MVD: variants seen among roughly 807,000 people sequenced by gnomAD.
MVD encodes mevalonate diphosphate decarboxylase, also known as diphosphomevalonate decarboxylase.
Under a neutral mutation model 42.4 loss-of-function variants are expected in MVD, and 52 were observed. That is an observed-to-expected ratio of 1.23 (90% CI 0.98 to 1.55). MVD has a LOEUF of 1.55. Among genes scored for constraint, MVD ranks in the 40% most tolerant of loss-of-function variants. The pLI is 0.00. For synonymous variants in MVD, 287 were observed against 243.2 expected (o/e 1.18, Z -1.68); for missense variants, 663 against 572.1 (o/e 1.16, Z -1.62).
chr16:88,662,575 C>T, intron 1 of MVD: 1 of 834,376 alleles, frequency 1.2e-6, no homozygotes, highest in Admixed American at 5.2e-5. Context: ...GGGAGGGACA[C>T]AGGGTCTCGG....
At chr16:88,660,086 C>T (rs1394532647) in intron 1 of MVD, among the ~76,000 whole-genome samples, 2 of 152,116 alleles carry the variant, frequency 1.3e-5, no homozygotes, top group Admixed American at 1.3e-4. Flanking sequence ...CTTTCACCTC[C>T]CCAGGAGTCA....
rs1009003083 is a variant in MVD at position 88,652,168 on chromosome 16, G to A, written c.*357C>T. The A allele has an allele frequency of 2.5e-6, 1 of 393,988 alleles. No homozygotes were observed. The highest frequency in any genetic ancestry group is 4.1e-5 in the Admixed American group (1 of 24,422). The allele number at this position is 393,988 out of a possible 1,614,324, so 24.4% of individuals were successfully genotyped here. ...CGGTGACCCCTTCCCTGGTCCGCTG[G>A]AGGGACCACCTCCCCACTGAGCTCC... On this transcript the variant is annotated 3_prime_UTR_variant, in exon 10 of 10. Transcript: ENST00000301012.
At chr16:88,658,859 T>G in intron 1 of MVD, 139 bp from the exon 2 acceptor site, 4 of 635,238 alleles carry the variant, frequency 6.3e-6, no homozygotes, top group Non-Finnish European at 1.1e-5. Context: ...TGTGTGCCCC[T>G]CCTCCTGCCA....
chr16:88,652,690 G>A, intron 9 of MVD, 85 bp from the exon 10 acceptor site: 1 of 1,299,442 alleles, frequency 7.7e-7, no homozygotes, highest in Non-Finnish European at 1.1e-6. Context: ...ACACAGGAGG[G>A]TAGCGGTGTG....
chr16:88,657,829 G>C, intron 3 of MVD, 86 bp downstream of exon 3: 2 of 1,414,068 alleles, frequency 1.4e-6, no homozygotes, highest in Non-Finnish European at 2.0e-6. Context: ...GCTGCCTCAG[G>C]AGGGGCACAG....
chr16:88,658,138 A>T, intron 2 of MVD, 109 bp from the exon 3 acceptor site: 1 of 1,092,256 alleles, frequency 9.2e-7, no homozygotes, highest in Non-Finnish European at 1.4e-6. Flanking sequence ...GAGCAAGGTC[A>T]GCCCTGCTGA....
intron 3 of MVD, 106 bp downstream of exon 3, chr16:88,657,809 C>T (rs1908031631): frequency 1.5e-6 from 2 of 1,331,644 alleles, no homozygotes; most frequent in Non-Finnish European, 2.1e-6. Flanking sequence ...GGTTCCCAGC[C>T]ACCCCGCCTG....
chr16:88,656,532 G>T (rs1907941468), intron 4 of MVD: 2 of 594,696 alleles, frequency 3.4e-6, no homozygotes, highest in Non-Finnish European at 6.0e-6. Context: ...TGCAGAGCTT[G>T]CGGCCCGCGA....
At chr16:88,656,028 G>A (rs545987213) in intron 5 of MVD, 77 bp downstream of exon 5, 47 of 1,512,088 alleles carry the variant, frequency 3.1e-5, no homozygotes, top group South Asian at 7.5e-5. Context: ...GGACGCCTTC[G>A]CTCCTGCTCC....
At chr16:88,658,826 G>C in intron 1 of MVD, 106 bp from the exon 2 acceptor site, 3 of 859,266 alleles carry the variant, frequency 3.5e-6, no homozygotes, top group Non-Finnish European at 5.3e-6. Flanking sequence ...ATCCGCCTCA[G>C]TCCCGTCTCT....
chr16:88,654,136 C>T (rs1364501461), intron 8 of MVD, among the ~76,000 whole-genome samples: 2 of 150,978 alleles, frequency 1.3e-5, no homozygotes, highest in South Asian at 2.1e-4. Flanking sequence ...CACAGAGCAG[C>T]GCAGGGGAAG....
In MVD at chr16:88,656,178, T is replaced by A; in HGVS notation, c.530A>T (p.Asp177Val). 1 of 1,601,832 alleles carries A rather than the reference T, an allele frequency of 6.2e-7. No homozygotes were observed. The highest frequency in any genetic ancestry group is 8.5e-7 in the Non-Finnish European group (1 of 1,179,916). Residue 177 changes from aspartate to valine, a missense_variant, in exon 5 of 10, where the codon GAC becomes GTC. Coordinates refer to ENST00000301012, the MANE Select transcript of MVD (RefSeq NM_002461.3). ...FVEWQMGEQADGKDSIARQVA... is the reference protein window; with the variant it reads ...FVEWQMGEQAVGKDSIARQVA... ...TTGCCGAGCGATGCTGTCCTTCCCG[T>A]CGGCCTGCTCTCCCATCTGCCACTC...
At chr16:88,660,428 T>A (rs1908221200) in intron 1 of MVD, 1 of 151,318 alleles carries the variant, frequency 6.6e-6, no homozygotes, top group Non-Finnish European at 1.5e-5. Flanking sequence ...GCAGATCACT[T>A]GAGGTCAGGA....
Position 88,657,911 on chromosome 16 carries a change from T to G in MVD, c.256+4A>C. The G allele has an allele frequency of 6.2e-7, 1 of 1,612,904 alleles. No individual in the cohort carries two copies. Among genetic ancestry groups the G allele is most frequent in the Non-Finnish European group, 8.5e-7 (1 of 1,179,644 alleles). ...GGGATGGGCTTATGGGGACCCCAGC[T>G]CACTCTCCCGCAGGCAGGCCTGCAG... On this transcript the variant is annotated splice_donor_region_variant and intron_variant, in intron 3 of 9. Coordinates refer to ENST00000301012, the MANE Select transcript of MVD (RefSeq NM_002461.3).
chr16:88,660,553 G>A (rs1243640246), intron 1 of MVD: 1 of 152,022 alleles, frequency 6.6e-6, no homozygotes, highest in Non-Finnish European at 1.5e-5. Flanking sequence ...GCTGAGGCAG[G>A]AGAATCGGTT....
chr16:88,656,387 A>G (rs1907932128), intron 4 of MVD, 83 bp from the exon 5 acceptor site: 2 of 1,441,286 alleles, frequency 1.4e-6, no homozygotes, highest in East Asian at 4.6e-5. Context: ...GGAACGTCCC[A>G]CACCCCACGG....
intron 5 of MVD, 168 bp from the exon 6 acceptor site, chr16:88,655,898 G>A: frequency 9.1e-7 from 1 of 1,103,896 alleles, no homozygotes. Context: ...GTGACGCAGG[G>A]GCAACTTCCA....
intron 5 of MVD, 140 bp downstream of exon 5, chr16:88,655,965 C>T (rs1001406216): frequency 8.7e-6 from 11 of 1,263,872 alleles, no homozygotes; most frequent in East Asian, 5.1e-5. Flanking sequence ...CACTCAACCA[C>T]GCTTCTGTTC....
Position 88,654,752 on chromosome 16 carries a change from G to A in MVD, c.953C>T (p.Thr318Ile). Residue 318 changes from threonine to isoleucine, a missense_variant, in exon 8 of 10, where the codon ACT (threonine) becomes ATT (isoleucine). Physicochemically the swap from Thr to Ile is moderately conservative, Grantham distance 89 (BLOSUM62 -1). Coordinates refer to ENST00000301012, the MANE Select transcript of MVD (RefSeq NM_002461.3). ...CACAGCAGCCACAAACTCAGCCACA[G>A]TGTCGTCCAGGGTGAAGATCACGGC... ...PNAVIFTLDDTVAEFVAAVWH... is the reference protein window; with the variant it reads ...PNAVIFTLDDIVAEFVAAVWH... 1 of 1,602,300 alleles carries A rather than the reference G, an allele frequency of 6.2e-7. No homozygotes were observed. The highest frequency in any genetic ancestry group is 1.8e-5 in the Admixed American group (1 of 56,908).
Sources: allele counts gnomAD v4.1 joint callset (sites outside exome capture counted in the v4.1 genomes callset), GRCh38; gene constraint gnomAD v4.1.1; transcripts MANE v1.5; gene names NCBI Gene and HGNC (gene_info 2026-07-23, HGNC 2026-07-21).